Variants in XYLT1 observed in about 807,000 individuals in gnomAD.
The protein encoded by XYLT1 is xylosyltransferase 1.
Under a neutral mutation model 91.3 loss-of-function variants are expected in XYLT1, and 36 were observed. The ratio of observed to expected loss-of-function variants is 0.39; its 90% CI spans 0.30 to 0.52. The LOEUF (loss-of-function observed/expected upper bound fraction) is 0.52, where lower values mean the gene tolerates loss of function less well. XYLT1 is among the 20% of genes least tolerant of loss of function. The pLI is 0.68. For missense variants in XYLT1, 1,242 were observed against 1,284.5 expected, an observed-to-expected ratio of 0.97 and a Z score of 0.51; for synonymous variants, 588 against 532.0, an observed-to-expected ratio of 1.11 and a Z score of -1.45.
chr16:17,361,552 T>C (rs1032655182), intron 1 of XYLT1, among the ~76,000 whole-genome samples: 2 of 152,224 alleles, frequency 1.3e-5, no homozygotes, highest in Non-Finnish European at 2.9e-5. Flanking sequence ...CTGAAATTAC[T>C]ACAGCTAACA....
intron 3 of XYLT1, among the ~76,000 whole-genome samples, chr16:17,224,505 C>G (rs1490048060): frequency 6.6e-6 from 1 of 152,172 alleles, no homozygotes; most frequent in African/African-American, 2.4e-5. Flanking sequence ...CACTTGTTAG[C>G]AGATGCAGGG....
chr16:17,109,466 C>A (rs1314571979), intron 11 of XYLT1, among the ~76,000 whole-genome samples: 9 of 151,974 alleles, frequency 5.9e-5, no homozygotes, highest in Non-Finnish European at 8.8e-5. Flanking sequence ...AGGTTAAGAT[C>A]CAGTGGAGGG....
intron 2 of XYLT1, among the ~76,000 whole-genome samples, chr16:17,290,453 A>T (rs1268494780): frequency 6.6e-6 from 1 of 152,238 alleles, no homozygotes; most frequent in Non-Finnish European, 1.5e-5. Context: ...TGACTCTTGG[A>T]GCCAAGAACA....
At chr16:17,238,706 C>T (rs1474537751) in intron 3 of XYLT1, among the ~76,000 whole-genome samples, 1 of 152,236 alleles carries the variant, frequency 6.6e-6, no homozygotes, top group African/African-American at 2.4e-5. Context: ...AATTAAACTT[C>T]AGCTATCCCT....
intron 3 of XYLT1, among the ~76,000 whole-genome samples, chr16:17,222,016 T>C (rs1168745570): frequency 6.6e-6 from 1 of 152,122 alleles, no homozygotes; most frequent in Non-Finnish European, 1.5e-5. Context: ...ACCCTTCTCT[T>C]GCAGTGCACA....
chr16:17,154,726 C>G (rs1191702426), intron 6 of XYLT1, among the ~76,000 whole-genome samples: 1 of 152,112 alleles, frequency 6.6e-6, no homozygotes, highest in African/African-American at 2.4e-5. Context: ...CAATCAGGAC[C>G]AATTTGGCAG....
intron 2 of XYLT1, among the ~76,000 whole-genome samples, chr16:17,291,735 T>C (rs1265790305): frequency 6.6e-6 from 1 of 152,204 alleles, no homozygotes; most frequent in Non-Finnish European, 1.5e-5. Context: ...AAATTGTATT[T>C]TATCGCAATA....
At chr16:17,261,686 T>C (rs1202395641) in intron 2 of XYLT1, among the ~76,000 whole-genome samples, 2 of 152,268 alleles carry the variant, frequency 1.3e-5, no homozygotes, top group South Asian at 2.1e-4. Context: ...TAGTGGCCTA[T>C]TGTGTTGCAG....
rs532761766 is a variant in XYLT1 at position 17,337,938 on chromosome 16, G to A, written c.402+20074C>T. On this transcript the variant is annotated intron_variant, in intron 2 of 11. Coordinates refer to ENST00000261381, the MANE Select transcript of XYLT1 (RefSeq NM_022166.4). The stretch of plus-strand genomic sequence containing the variant: ...ATTACAGGCATGCGCCACCACGTCC[G>A]GCTAATTTTTGTATTTTTAGTAGAA... 2.4e-4 allele frequency among the ~76,000 whole-genome samples: 36 copies of A among 151,970 alleles called. 2 individuals are homozygous for A. Among genetic ancestry groups the A allele is most frequent in the Admixed American group, 9.2e-4 (14 of 15,268 alleles).
rs979957500 is a variant in XYLT1 at position 17,440,473 on chromosome 16, T to C, written c.363+29961A>G. Among the ~76,000 whole-genome samples, 142 of 152,176 alleles carry C rather than the reference T, an allele frequency of 9.3e-4. 2 individuals are homozygous for C. The highest frequency in any genetic ancestry group is 9.3e-3 in the Admixed American group (142 of 15,276). On this transcript the variant is annotated intron_variant, in intron 1 of 11. Transcript: ENST00000261381. ...CACAACTGCATTCAATGTCAGCCAT[T>C]TCTATCAGCTCTTTCTCGTTCTTTG...
rs1001421464 is a variant in XYLT1, at chr16:17,198,505, C to A, written c.1087-91G>T. 5 of 1,368,082 alleles carry A rather than the reference C, an allele frequency of 3.7e-6. No individual in the cohort carries two copies. In the African/African-American group the frequency reaches 5.7e-5, roughly 16 times the overall value. 84.7% of individuals were successfully genotyped at this position (1,368,082 alleles called of 1,614,324 possible). On this transcript the variant is annotated intron_variant, in intron 4 of 11. Transcript: ENST00000261381. ...CCCCTGTCCCCTCTCTGTGTCTTCC[C>A]TCCTGGTTGGGCACTTCTGAGCACA... is the stretch of plus-strand genomic sequence containing the variant.
intron 9 of XYLT1, among the ~76,000 whole-genome samples, chr16:17,132,460 G>T (rs1177962483): frequency 1.3e-5 from 2 of 149,568 alleles, no homozygotes; most frequent in African/African-American, 5.1e-5. Flanking sequence ...CACACAGCAG[G>T]TTCACTGTTG....
chr16:17,190,413 T>C lies in XYLT1; in HGVS notation c.1289+7799A>G, dbSNP rs989303366. Among the ~76,000 whole-genome samples the C allele has an allele frequency of 2.6e-5, 4 of 151,938 alleles. No homozygotes were observed. The East Asian group carries it at 7.8e-4, about 30-fold the overall frequency. Reference sequence around the variant, plus strand: ...GCATCCATTAACTTGTCAATTACATTAGGTATATCTCCTAATGCTATCCCT... The same window carrying C: ...GCATCCATTAACTTGTCAATTACATCAGGTATATCTCCTAATGCTATCCCT... On this transcript the variant is annotated intron_variant, in intron 5 of 11. Transcript: ENST00000261381.
At chr16:17,186,551 C>T (rs1040189041) in intron 5 of XYLT1, among the ~76,000 whole-genome samples, 9 of 151,118 alleles carry the variant, frequency 6.0e-5, no homozygotes, top group African/African-American at 2.0e-4. Context: ...GTGATCCTCC[C>T]ACCTCGGCCT....
intron 2 of XYLT1, among the ~76,000 whole-genome samples, chr16:17,261,677 A>G (rs1197149797): frequency 1.3e-5 from 2 of 152,164 alleles, no homozygotes; most frequent in Non-Finnish European, 2.9e-5. Flanking sequence ...CAGGCTGGCT[A>G]GTGGCCTATT....
intron 2 of XYLT1, among the ~76,000 whole-genome samples, chr16:17,309,948 G>C (rs929317000): frequency 2.0e-5 from 3 of 152,124 alleles, no homozygotes; most frequent in African/African-American, 7.2e-5. Flanking sequence ...AGGGGCCAGG[G>C]GTGGCAGGGA....
chr16:17,140,409 C>T (rs2030932723), intron 7 of XYLT1, among the ~76,000 whole-genome samples: 1 of 151,984 alleles, frequency 6.6e-6, no homozygotes. Context: ...GCCTGCAATC[C>T]CAGCACTTTG....
At position 17,138,139 on chromosome 16, in the gene XYLT1, G is replaced by A. The variant is rs528143620; in HGVS notation, c.1764+216C>T. ...GAATAATAATGAAAGGTCATTTGTT[G>A]TTTTTGGGTTAATGAGTCAATGTGG... On this transcript the variant is annotated intron_variant, in intron 8 of 11. Coordinates refer to ENST00000261381, the MANE Select transcript of XYLT1 (RefSeq NM_022166.4). 1.4e-3 allele frequency: 640 copies of A among 441,452 alleles called. 9 individuals are homozygous for A. The South Asian group carries it at 0.026, about 18-fold the overall frequency. 27.3% of individuals were successfully genotyped at this position (441,452 alleles called of 1,614,324 possible).
At position 17,276,440 on chromosome 16, in the gene XYLT1, T is replaced by C. The variant is rs181623170; in HGVS notation, c.403-16942A>G. On this transcript the variant is annotated intron_variant, in intron 2 of 11. Transcript: ENST00000261381. ...TGCCTACACTCAAGCTTTTGGAAAA[T>C]GATTTCTGCAGCCTGGACTGAGAGC... Among the ~76,000 whole-genome samples the C allele has an allele frequency of 2.3e-3, 349 of 152,278 alleles. 3 individuals carry two copies. Among genetic ancestry groups the C allele is most frequent in the Non-Finnish European group, 4.1e-3 (277 of 68,016 alleles).
Sources: gnomAD v4.1 joint callset for allele counts (sites outside exome capture counted in the v4.1 genomes callset) on GRCh38, gnomAD v4.1.1 for gene constraint, MANE v1.5 for transcripts, NCBI Gene and HGNC (gene_info 2026-07-23, HGNC 2026-07-21) for gene names.